YWHAQ: variants seen among roughly 807,000 people sequenced by gnomAD.
The protein encoded by YWHAQ is tyrosine 3-monooxygenase/tryptophan 5-monooxygenase activation protein theta.
In YWHAQ, 6 loss-of-function variants were observed where a neutral mutation model predicts 28.3. That is an observed-to-expected ratio of 0.21 (90% CI 0.12 to 0.42). The LOEUF is 0.42. Among genes scored for constraint, YWHAQ ranks in the 10% least tolerant of loss-of-function variants. The pLI is 1.00. For missense variants in YWHAQ, 201 were observed against 305.6 expected, an observed-to-expected ratio of 0.66 and a Z score of 2.55; for synonymous variants, 143 against 119.1, an observed-to-expected ratio of 1.20 and a Z score of -1.31.
At chr2:9,593,762 A>T (rs1280477483) in intron 2 of YWHAQ, among the ~76,000 whole-genome samples, 1 of 151,942 alleles carries the variant, frequency 6.6e-6, no homozygotes, top group Non-Finnish European at 1.5e-5. Context: ...CCGGGGGTGG[A>T]GGCTGCAGTG....
chr2:9,618,435 G>A (rs1198285367), intron 2 of YWHAQ, among the ~76,000 whole-genome samples: 1 of 152,144 alleles, frequency 6.6e-6, no homozygotes, highest in Non-Finnish European at 1.5e-5. Context: ...ATTCTAAAGA[G>A]GGAAATTATT....
intron 2 of YWHAQ, among the ~76,000 whole-genome samples, chr2:9,593,917 T>TAC (rs1284878103): frequency 6.7e-5 from 7 of 104,230 alleles, no homozygotes; most frequent in South Asian, 2.8e-4. Context: ...TATATATATA[T>TAC]ATATATACAC....
chr2:9,588,406 TGCTACTA>T (rs1666389619), intron 3 of YWHAQ, 78 bp from the exon 4 acceptor site: 2 of 1,496,208 alleles, frequency 1.3e-6, no homozygotes, highest in Non-Finnish European at 1.8e-6. Flanking sequence ...CTTGAACATA[TGCTACTA>T]GCTCTTGGTA....
intron 2 of YWHAQ, among the ~76,000 whole-genome samples, chr2:9,623,631 G>T (rs377387804): frequency 6.6e-6 from 1 of 152,070 alleles, no homozygotes; most frequent in African/African-American, 2.4e-5. Flanking sequence ...AAATTAGCCG[G>T]GTGTGGTGGT....
rs752577017 is a variant in YWHAQ, at chr2:9,585,320, TCTC to T, written c.701_703del (p.Gly234del). 1.9e-6 allele frequency: 3 copies of T among 1,614,116 alleles called. No homozygotes were observed. Among genetic ancestry groups the T allele is most frequent in the Admixed American group, 1.7e-5 (1 of 60,018 alleles). ...AGCCCCTTCTGCCGCATCACATTCT[TCTC>T]CTGCACTGTCTGATGTCCAAAGCTA... On this transcript the variant is annotated inframe_deletion, in exon 6 of 6. Transcript: ENST00000238081.
chr2:9,592,503 A>C (rs1666477431), intron 2 of YWHAQ, among the ~76,000 whole-genome samples: 1 of 152,092 alleles, frequency 6.6e-6, no homozygotes, highest in South Asian at 2.1e-4. Context: ...AGGCGGGCAG[A>C]TAACAAGGTC....
intron 5 of YWHAQ, 67 bp downstream of exon 5, chr2:9,587,347 T>G: frequency 7.0e-7 from 1 of 1,435,286 alleles, no homozygotes; most frequent in Non-Finnish European, 9.5e-7. Flanking sequence ...AGACACGAAG[T>G]CCAAAATAAA....
At chr2:9,589,445 G>A (rs1666412450) in intron 3 of YWHAQ, among the ~76,000 whole-genome samples, 1 of 151,950 alleles carries the variant, frequency 6.6e-6, no homozygotes, top group Non-Finnish European at 1.5e-5. Flanking sequence ...TTAGATGGGA[G>A]TGGTGATGCA....
At chr2:9,616,339 C>T (rs567889627) in intron 2 of YWHAQ, among the ~76,000 whole-genome samples, 31 of 151,396 alleles carry the variant, frequency 2.0e-4, no homozygotes, top group Middle Eastern at 3.4e-3. Flanking sequence ...GACCTAAACA[C>T]AGGAGCTAAA....
At chr2:9,588,640 G>A (rs901999875) in intron 3 of YWHAQ, among the ~76,000 whole-genome samples, 1 of 152,080 alleles carries the variant, frequency 6.6e-6, no homozygotes, top group African/African-American at 2.4e-5. Flanking sequence ...GCGTGATGGC[G>A]GGCATCTGTA....
chr2:9,596,744 C>T (rs1307225491), intron 2 of YWHAQ, among the ~76,000 whole-genome samples: 2 of 152,072 alleles, frequency 1.3e-5, no homozygotes, highest in Non-Finnish European at 2.9e-5. Context: ...CTCTGCCAAC[C>T]CAGACTGAAG....
intron 5 of YWHAQ, among the ~76,000 whole-genome samples, chr2:9,585,912 CAAAAAAAAA>C (rs34640890): frequency 8.2e-6 from 1 of 122,124 alleles, no homozygotes; most frequent in Non-Finnish European, 1.7e-5. Context: ...GATCCTTTCT[CAAAAAAAAA>C]AAAAAAAAAG....
chr2:9,587,022 A>G (rs1260520297), intron 5 of YWHAQ, among the ~76,000 whole-genome samples: 1 of 152,188 alleles, frequency 6.6e-6, no homozygotes, highest in African/African-American at 2.4e-5. Flanking sequence ...ACAATTCACA[A>G]AGTAAACTTT....
At chr2:9,595,082 C>T (rs1222506390) in intron 2 of YWHAQ, among the ~76,000 whole-genome samples, 3 of 152,208 alleles carry the variant, frequency 2.0e-5, no homozygotes, top group Non-Finnish European at 4.4e-5. Flanking sequence ...TTACTTCCAT[C>T]CTGGAGTTTC....
intron 2 of YWHAQ, chr2:9,615,260 T>A (rs1417621858): frequency 6.6e-6 from 1 of 152,084 alleles, no homozygotes; most frequent in Non-Finnish European, 1.5e-5. Context: ...GGTAAAAAAT[T>A]AGAGCAGGCT....
At chr2:9,614,897 G>A (rs1291861543) in intron 2 of YWHAQ, among the ~76,000 whole-genome samples, 1 of 152,166 alleles carries the variant, frequency 6.6e-6, no homozygotes, top group African/African-American at 2.4e-5. Flanking sequence ...GAAGAATAGA[G>A]TCAACAGGAA....
rs201487177 is a variant in YWHAQ at position 9,588,276 on chromosome 2, C to G, written c.471G>C (p.Lys157Asn). ...GAYQEAFDIS[K>N]KEMQPTHPIR... ...TTGGGTGTGTGGGTTGCATCTCTTT[C>G]TTGCTTATATCAAATGCCTCTTGGT... Residue 157 changes from lysine (K) to asparagine (N), a missense_variant, in exon 4 of 6, where the codon AAG becomes AAC. Physicochemically the swap from Lys to Asn is moderately conservative, Grantham distance 94 (BLOSUM62 0). Coordinates refer to ENST00000238081, the MANE Select transcript of YWHAQ (RefSeq NM_006826.4). 1 of 1,609,880 alleles carries G rather than the reference C, an allele frequency of 6.2e-7. No individual in the cohort carries two copies. Among genetic ancestry groups the G allele is most frequent in the Non-Finnish European group, 8.5e-7 (1 of 1,179,118 alleles).
At chr2:9,621,044 C>T (rs1667132563) in intron 2 of YWHAQ, among the ~76,000 whole-genome samples, 3 of 152,108 alleles carry the variant, frequency 2.0e-5, no homozygotes, top group African/African-American at 7.2e-5. Context: ...AAGATATTTG[C>T]TTTTTTTCCA....
intron 3 of YWHAQ, among the ~76,000 whole-genome samples, 184 bp downstream of exon 3, chr2:9,591,208 T>C (rs1405564174): frequency 6.6e-6 from 1 of 152,202 alleles, no homozygotes; most frequent in East Asian, 1.9e-4. Flanking sequence ...TTAAAGAGCA[T>C]GTGATGTAAA....
Sources: gnomAD v4.1 joint callset for allele counts (sites outside exome capture counted in the v4.1 genomes callset) on GRCh38, gnomAD v4.1.1 for gene constraint, MANE v1.5 for transcripts, NCBI Gene and HGNC (gene_info 2026-07-23, HGNC 2026-07-21) for gene names.